PROSER2: variants seen among roughly 807,000 people sequenced by gnomAD.
PROSER2 encodes proline and serine rich 2.
Under a neutral mutation model 14.6 loss-of-function variants are expected in PROSER2, and 18 were observed. The ratio of observed to expected loss-of-function variants is 1.23; its 90% CI spans 0.85 to 1.83. The LOEUF (loss-of-function observed/expected upper bound fraction) is 1.83. Ranked by LOEUF, PROSER2 falls within the 40% of genes most tolerant of loss-of-function variation. PROSER2 has a pLI of 0.00. For missense variants in PROSER2, 823 were observed against 629.8 expected (o/e 1.31, Z -3.28); for synonymous variants, 367 against 286.4 (o/e 1.28, Z -2.84).
chr10:11,846,264 G>A (rs1433839861), intron 1 of PROSER2, among the ~76,000 whole-genome samples: 4 of 152,174 alleles, frequency 2.6e-5, no homozygotes, highest in Non-Finnish European at 5.9e-5. Context: ...TGGGATTACA[G>A]GTGTGAGCCA....
At chr10:11,848,963 C>G (rs1456644906) in intron 1 of PROSER2, among the ~76,000 whole-genome samples, 1 of 151,846 alleles carries the variant, frequency 6.6e-6, no homozygotes, top group Non-Finnish European at 1.5e-5. Flanking sequence ...CCGAGGCGGG[C>G]GGATCACAAG....
In PROSER2 at chr10:11,833,235, C is replaced by CTTTTTTTT. The variant is rs5783233; in HGVS notation, c.-82+9779_-82+9786dup. 1.9e-4 allele frequency among the ~76,000 whole-genome samples: 17 copies of CTTTTTTTT among 87,664 alleles called. 1 individual carries two copies. The highest frequency in any genetic ancestry group is 9.7e-4 in the Admixed American group (6 of 6,158). The allele number at this position is 87,664 out of a possible 152,430, so 57.5% of individuals were successfully genotyped here. ...ACAAGTATTATACAAAATGTTGTGG[C>CTTTTTTTT]TTTTTTTTTTTTTTTTTTTTTAGTT... is the stretch of plus-strand genomic sequence containing the variant. On this transcript the variant is annotated intron_variant, in intron 1 of 3. Transcript: ENST00000277570.
At chr10:11,861,980 C>T (rs1834250114) in intron 2 of PROSER2, among the ~76,000 whole-genome samples, 1 of 152,224 alleles carries the variant, frequency 6.6e-6, no homozygotes, top group African/African-American at 2.4e-5. Flanking sequence ...TCTAAACTGT[C>T]AGCGCATCAG....
intron 2 of PROSER2, 137 bp downstream of exon 2, chr10:11,852,352 AGTG>A: frequency 1.0e-6 from 1 of 963,524 alleles, no homozygotes; most frequent in Non-Finnish European, 1.5e-6. Flanking sequence ...TTCTTTGTGA[AGTG>A]GTTCTTTATT....
chr10:11,843,833 T>C (rs760749794), intron 1 of PROSER2, among the ~76,000 whole-genome samples: 6 of 151,520 alleles, frequency 4.0e-5, no homozygotes, highest in Non-Finnish European at 5.9e-5. Flanking sequence ...ACCTGGGTGA[T>C]AGAGTGAAAC....
At chr10:11,850,295 C>T (rs1364903264) in intron 1 of PROSER2, 2 of 152,300 alleles carry the variant, frequency 1.3e-5, no homozygotes, top group African/African-American at 2.4e-5. Context: ...TAGGGATGGG[C>T]GCTGATTAAC....
In PROSER2 at chr10:11,870,280, CTGG is replaced by C; in HGVS notation, c.1183_1185del (p.Trp395del). The stretch of plus-strand genomic sequence containing the variant: ...CCCGGCAGCCCAACGGCGCCCAGGA[CTGG>C]CGCCGCGCAGACTCCCTGCCCCGGC... On this transcript the variant is annotated inframe_deletion, in exon 4 of 4. Coordinates refer to ENST00000277570, the MANE Select transcript of PROSER2 (RefSeq NM_153256.4). 1 of 1,492,660 alleles carries C rather than the reference CTGG, an allele frequency of 6.7e-7. No individual in the cohort carries two copies. The highest frequency in any genetic ancestry group is 8.9e-7 in the Non-Finnish European group (1 of 1,128,628). The allele number at this position is 1,492,660 out of a possible 1,614,324, so 92.5% of individuals were successfully genotyped here.
chr10:11,870,015 C>G lies in PROSER2; in HGVS notation c.917C>G (p.Ala306Gly). 1.6e-6 allele frequency: 2 copies of G among 1,243,780 alleles called. No individual in the cohort carries two copies. The highest frequency in any genetic ancestry group is 2.0e-6 in the Non-Finnish European group (2 of 994,780). The allele number at this position is 1,243,780 out of a possible 1,614,324, so 77.0% of individuals were successfully genotyped here. The change falls in exon 4 of 4, where the codon GCC becomes GGC. Residue 306 changes from alanine (A) to glycine (G), a missense_variant. Coordinates refer to ENST00000277570, the MANE Select transcript of PROSER2 (RefSeq NM_153256.4). ...GCCGCGGGGGACGCCGGCGAGGGGG[C>G]CCCAGGGGGCGGCTCCTCCCCGGAG... ...FPAAGDAGEG[A>G]PGGGSSPERV... is the part of the protein sequence containing the mutation.
In PROSER2 at chr10:11,866,138, A is replaced by G. The variant is rs1834340938; in HGVS notation, c.139-393A>G. Among the ~76,000 whole-genome samples, 1 of 152,174 alleles carries G rather than the reference A, an allele frequency of 6.6e-6. No individual in the cohort carries two copies. Among genetic ancestry groups the G allele is most frequent in the African/African-American group, 2.4e-5 (1 of 41,436 alleles). On this transcript the variant is annotated intron_variant, in intron 2 of 3. Coordinates refer to ENST00000277570, the MANE Select transcript of PROSER2 (RefSeq NM_153256.4). The surrounding 1 kb of genome is among the most constrained non-coding windows in gnomAD (Gnocchi z 6.0). ...CGTTTTAGTACGGTTTCTGGTGAGA[A>G]AGGAGATAAATATGTGAGTTCAATC...
At chr10:11,827,788 C>T (rs1444178243) in intron 1 of PROSER2, among the ~76,000 whole-genome samples, 1 of 151,860 alleles carries the variant, frequency 6.6e-6, no homozygotes, top group African/African-American at 2.4e-5. Flanking sequence ...AGATGATCCT[C>T]CCCCCTCAGC....
chr10:11,869,209 A>T lies in PROSER2; in HGVS notation c.392-281A>T, dbSNP rs1834412735. 6.6e-6 allele frequency among the ~76,000 whole-genome samples: 1 copy of T among 152,186 alleles called. No homozygotes were observed. Among genetic ancestry groups the T allele is most frequent in the Admixed American group, 6.5e-5 (1 of 15,290 alleles). Reference sequence around the variant, plus strand: ...GTCCTGTCCCAGCCTCAGGGGCTGGAGCCTCAGCAGCCCACATGGACGGAA... The same window carrying T: ...GTCCTGTCCCAGCCTCAGGGGCTGGTGCCTCAGCAGCCCACATGGACGGAA... On this transcript the variant is annotated intron_variant, in intron 3 of 3. Coordinates refer to ENST00000277570, the MANE Select transcript of PROSER2 (RefSeq NM_153256.4). This position sits in a 1 kb window ranked among gnomAD's most constrained non-coding sequence, Gnocchi z 4.4.
chr10:11,833,235 C>CTTTTGTTTTTTTT, intron 1 of PROSER2, among the ~76,000 whole-genome samples: 1 of 87,668 alleles, frequency 1.1e-5, no homozygotes, highest in Non-Finnish European at 2.0e-5. Context: ...AATGTTGTGG[C>CTTTTGTTTTTTTT]TTTTTTTTTT....
rs985260593 is a variant in PROSER2 at position 11,852,010 on chromosome 10, C to T, written c.-68C>T. ...TGGTGTCTCTAGGAGTGAGCTGTTG[C>T]CGCAGAATGGGCTGCTGGCTCCTGC... On this transcript the variant is annotated 5_prime_UTR_variant, in exon 2 of 4. Coordinates refer to ENST00000277570, the MANE Select transcript of PROSER2 (RefSeq NM_153256.4). 3 of 1,508,818 alleles carry T rather than the reference C, an allele frequency of 2.0e-6. No homozygotes were observed. The highest frequency in any genetic ancestry group is 2.3e-5 in the East Asian group (1 of 42,676). The allele number at this position is 1,508,818 out of a possible 1,614,324, so 93.5% of individuals were successfully genotyped here.
chr10:11,855,228 C>T (rs1166062204), intron 2 of PROSER2, among the ~76,000 whole-genome samples: 1 of 149,720 alleles, frequency 6.7e-6, no homozygotes, highest in East Asian at 2.0e-4. Flanking sequence ...AATCCCAGCA[C>T]TTTGGGAGGC....
intron 1 of PROSER2, among the ~76,000 whole-genome samples, chr10:11,843,982 C>T (rs918825432): frequency 2.0e-5 from 3 of 150,206 alleles, no homozygotes; most frequent in Admixed American, 6.6e-5. Flanking sequence ...AATAATCTGT[C>T]TTTTCTTTGA....
intron 1 of PROSER2, among the ~76,000 whole-genome samples, chr10:11,828,924 G>T (rs1282320675): frequency 6.6e-6 from 1 of 152,048 alleles, no homozygotes; most frequent in East Asian, 1.9e-4. Flanking sequence ...TTTCTGTCAG[G>T]GGTGTCAGAA....
chr10:11,840,201 C>T (rs997002489), intron 1 of PROSER2, among the ~76,000 whole-genome samples: 2 of 151,606 alleles, frequency 1.3e-5, no homozygotes, highest in Non-Finnish European at 2.9e-5. Flanking sequence ...GATCCTCCTG[C>T]CTTGGCCTCC....
chr10:11,856,478 G>A lies in PROSER2; in HGVS notation c.138+4263G>A, dbSNP rs1179687987. Among the ~76,000 whole-genome samples, 1 of 152,248 alleles carries A rather than the reference G, an allele frequency of 6.6e-6. No individual in the cohort carries two copies. The highest frequency in any genetic ancestry group is 1.5e-5 in the Non-Finnish European group (1 of 68,048). On this transcript the variant is annotated intron_variant, in intron 2 of 3. Transcript: ENST00000277570. This position sits in a 1 kb window ranked among gnomAD's most constrained non-coding sequence, Gnocchi z 5.3. The stretch of plus-strand genomic sequence containing the variant: ...GGGCGGAGAGCTCTGCACTCGCATG[G>A]TTCTCAAGGAGTGGAGCTGGAACAG...
intron 2 of PROSER2, among the ~76,000 whole-genome samples, chr10:11,858,915 A>G (rs1206938346): frequency 6.7e-6 from 1 of 149,624 alleles, no homozygotes; most frequent in African/African-American, 2.5e-5. Flanking sequence ...AAGCTGAGGC[A>G]GGAGAATCGC....
Sources: allele counts gnomAD v4.1 joint callset (sites outside exome capture counted in the v4.1 genomes callset), GRCh38; gene constraint gnomAD v4.1.1; non-coding constraint Gnocchi (gnomAD v3.1); transcripts MANE v1.5; gene names NCBI Gene and HGNC (gene_info 2026-07-23, HGNC 2026-07-21).